The following NUFIP1 variants were observed in gnomAD, a reference collection of about 807,000 sequenced individuals.
NUFIP1 encodes FMR1-interacting protein NUFIP1.
In NUFIP1, 38 loss-of-function variants were observed where a neutral mutation model predicts 56.2. The ratio of observed to expected loss-of-function variants is 0.68; its 90% confidence interval spans 0.52 to 0.89. The LOEUF (loss-of-function observed/expected upper bound fraction) is 0.89, where lower values mean the gene tolerates loss of function less well. Ranked by LOEUF, NUFIP1 falls within the 40% of genes least tolerant of loss-of-function variation. The pLI is 0.00. For missense variants in NUFIP1, 567 were observed against 605.8 expected, an observed-to-expected ratio of 0.94 and a Z score of 0.67; for synonymous variants, 215 against 212.4, an observed-to-expected ratio of 1.01 and a Z score of -0.10.
intron 2 of NUFIP1, among the ~76,000 whole-genome samples, chr13:44,981,230 T>C (rs1044137088): frequency 6.6e-6 from 1 of 152,174 alleles, no homozygotes; most frequent in East Asian, 1.9e-4. Context: ...AAGGGTCCAC[T>C]TATAAAAGGA....
chr13:44,973,871 G>A (rs1871884331), intron 5 of NUFIP1, among the ~76,000 whole-genome samples: 2 of 152,164 alleles, frequency 1.3e-5, no homozygotes, highest in South Asian at 4.1e-4. Context: ...AACCCTGTAT[G>A]AGATATGATA....
intron 6 of NUFIP1, among the ~76,000 whole-genome samples, chr13:44,961,538 A>T (rs1047743709): frequency 1.3e-5 from 2 of 152,228 alleles, no homozygotes; most frequent in Non-Finnish European, 1.5e-5. Flanking sequence ...CAATCCAGAG[A>T]TTTTTAATCC....
intron 5 of NUFIP1, among the ~76,000 whole-genome samples, chr13:44,977,364 C>G (rs1872016452): frequency 6.6e-6 from 1 of 152,176 alleles, no homozygotes; most frequent in Non-Finnish European, 1.5e-5. Flanking sequence ...GGACTGGCAA[C>G]CAGCCAATCC....
intron 5 of NUFIP1, among the ~76,000 whole-genome samples, chr13:44,967,333 C>T (rs370029660): frequency 6.6e-6 from 1 of 151,942 alleles, no homozygotes; most frequent in African/African-American, 2.4e-5. Context: ...CACAGTGAAA[C>T]CCCATCCTAT....
At chr13:44,986,533 T>C (rs879290195) in intron 1 of NUFIP1, among the ~76,000 whole-genome samples, 1 of 151,530 alleles carries the variant, frequency 6.6e-6, no homozygotes, top group Admixed American at 6.6e-5. Context: ...CTACTAAAAA[T>C]ACAAAAAAAT....
chr13:44,944,189 G>A (rs1395587622), intron 8 of NUFIP1, among the ~76,000 whole-genome samples: 2 of 152,060 alleles, frequency 1.3e-5, no homozygotes, highest in African/African-American at 2.4e-5. Context: ...GAAAGTACAC[G>A]ATGAAAAGTT....
At chr13:44,965,962 A>G (rs1202024417) in intron 5 of NUFIP1, 26 bp from the exon 6 acceptor site, 5 of 1,367,988 alleles carry the variant, frequency 3.7e-6, no homozygotes, top group Non-Finnish European at 5.0e-6. Context: ...AGTTAATTAT[A>G]ATAGGGCTTT....
chr13:44,948,197 CA>C (rs1870961572), intron 8 of NUFIP1, among the ~76,000 whole-genome samples: 1 of 137,178 alleles, frequency 7.3e-6, no homozygotes, highest in South Asian at 2.3e-4. Context: ...GGCTGGAGTA[CA>C]GTGGCACAAT....
chr13:44,959,260 A>C, intron 7 of NUFIP1, 121 bp downstream of exon 7: 1 of 905,670 alleles, frequency 1.1e-6, no homozygotes, highest in Non-Finnish European at 1.6e-6. Flanking sequence ...CAAAAACAAA[A>C]GCATCATTCT....
chr13:44,965,919 G>A lies in NUFIP1; in HGVS notation c.752C>T (p.Ala251Val). The A allele has an allele frequency of 5.1e-6, 8 of 1,583,804 alleles. No homozygotes were observed. The highest frequency in any genetic ancestry group is 6.9e-6 in the Non-Finnish European group (8 of 1,164,764). The part of the protein sequence containing the change: ...EERRKNYPTL[A>V]NIERKKKLKL... ...TAACTTCTTCTTCCTTTCAATATTGGCCAGAGTTGGATAGTTTCTAGAAAA... is the reference window on the plus strand; with the variant it reads ...TAACTTCTTCTTCCTTTCAATATTGACCAGAGTTGGATAGTTTCTAGAAAA... The change falls in exon 6 of 10, where the codon GCC becomes GTC. Residue 251 changes from alanine (A) to valine (V), a missense_variant. Transcript: ENST00000379161.
intron 8 of NUFIP1, among the ~76,000 whole-genome samples, chr13:44,946,182 G>T (rs1870897644): frequency 6.6e-6 from 1 of 152,084 alleles, no homozygotes; most frequent in African/African-American, 2.4e-5. Flanking sequence ...GCTTATAATT[G>T]TCAATTTTCT....
chr13:44,970,082 T>A (rs139172737), intron 5 of NUFIP1, among the ~76,000 whole-genome samples: 28 of 152,352 alleles, frequency 1.8e-4, no homozygotes, highest in Non-Finnish European at 3.5e-4. Context: ...CCCAGTCTGC[T>A]GTGAAAAATG....
intron 8 of NUFIP1, among the ~76,000 whole-genome samples, chr13:44,946,799 T>C (rs1870915080): frequency 6.6e-6 from 1 of 152,228 alleles, no homozygotes. Flanking sequence ...TACTATTTCA[T>C]GGTTAAAAGA....
chr13:44,976,490 G>A (rs1871986669), intron 5 of NUFIP1, among the ~76,000 whole-genome samples: 1 of 151,886 alleles, frequency 6.6e-6, no homozygotes, highest in African/African-American at 2.4e-5. Flanking sequence ...AACAAGAGGA[G>A]GAGGAAGAAG....
intron 8 of NUFIP1, among the ~76,000 whole-genome samples, chr13:44,945,259 G>A (rs777233416): frequency 2.0e-5 from 3 of 151,798 alleles, no homozygotes; most frequent in Non-Finnish European, 4.4e-5. Flanking sequence ...TAACAACTTA[G>A]GTGAAGCAAA....
At chr13:44,955,118 TG>T (rs1871184522) in intron 7 of NUFIP1, among the ~76,000 whole-genome samples, 1 of 152,162 alleles carries the variant, frequency 6.6e-6, no homozygotes, top group South Asian at 2.1e-4. Context: ...GGCAACAAAA[TG>T]AACTGGATGC....
intron 8 of NUFIP1, among the ~76,000 whole-genome samples, chr13:44,946,751 A>G (rs925622452): frequency 6.6e-5 from 10 of 152,192 alleles, no homozygotes; most frequent in African/African-American, 2.2e-4. Context: ...GATTGTTCCT[A>G]TATATTTAGA....
At chr13:44,971,448 C>T (rs1871800928) in intron 5 of NUFIP1, among the ~76,000 whole-genome samples, 1 of 152,090 alleles carries the variant, frequency 6.6e-6, no homozygotes, top group African/African-American at 2.4e-5. Context: ...TAAAAAGAGC[C>T]ACCAGCAAGC....
chr13:44,965,004 C>G (rs1871549465), intron 6 of NUFIP1, among the ~76,000 whole-genome samples: 1 of 152,190 alleles, frequency 6.6e-6, no homozygotes, highest in South Asian at 2.1e-4. Context: ...TATACAGCAC[C>G]TGATGTGGTT....
Sources: gnomAD v4.1 joint callset for allele counts (sites outside exome capture counted in the v4.1 genomes callset) on GRCh38, gnomAD v4.1.1 for gene constraint, MANE v1.5 for transcripts, NCBI Gene and HGNC (gene_info 2026-07-23, HGNC 2026-07-21) for gene names.